AGPAT3: variants seen among roughly 807,000 people sequenced by gnomAD.
AGPAT3 encodes 1-acyl-sn-glycerol-3-phosphate acyltransferase gamma.
A neutral mutation model predicts 47.3 loss-of-function variants in AGPAT3; 5 were observed. That is an observed-to-expected ratio of 0.11 (90% CI 0.06 to 0.22). AGPAT3 has a LOEUF of 0.22. AGPAT3 is among the 10% of genes least tolerant of loss of function. The pLI is 1.00. For missense variants in AGPAT3, 315 were observed against 493.0 expected, an observed-to-expected ratio of 0.64 and a Z score of 3.42; for synonymous variants, 212 against 208.3, an observed-to-expected ratio of 1.02 and a Z score of -0.15.
chr21:43,901,656 C>T lies in AGPAT3; in HGVS notation c.-111-2301C>T, dbSNP rs141558533. Reference sequence around the variant, plus strand: ...GGGCGTGGTGGTGCACACCTGTGGTCTCAGCTACTTAGGAGGCTGAGGTAG... The same window carrying T: ...GGGCGTGGTGGTGCACACCTGTGGTTTCAGCTACTTAGGAGGCTGAGGTAG... On this transcript the variant is annotated intron_variant, in intron 1 of 9. Transcript: ENST00000291572. Among the ~76,000 whole-genome samples the T allele has an allele frequency of 1.6e-4, 24 of 151,880 alleles. 2 individuals carry two copies. The East Asian group carries it at 4.1e-3, about 26-fold the overall frequency.
chr21:43,906,362 A>ATT (rs2086494456), intron 2 of AGPAT3, among the ~76,000 whole-genome samples: 1 of 152,120 alleles, frequency 6.6e-6, no homozygotes, highest in Non-Finnish European at 1.5e-5. Context: ...TAATATCGAA[A>ATT]TCTATAGCAA....
intron 7 of AGPAT3, among the ~76,000 whole-genome samples, chr21:43,975,020 T>C (rs530170096): frequency 2.6e-5 from 4 of 152,148 alleles, no homozygotes; most frequent in Non-Finnish European, 4.4e-5. Context: ...TGTGCTGTTG[T>C]GTACTGGCGT....
chr21:43,944,385 G>A (rs1160025646), intron 2 of AGPAT3, among the ~76,000 whole-genome samples: 1 of 152,252 alleles, frequency 6.6e-6, no homozygotes, highest in African/African-American at 2.4e-5. Flanking sequence ...AGAGAGGGAA[G>A]GTAACAGCGT....
chr21:43,889,089 A>G (rs1421311257), intron 1 of AGPAT3, among the ~76,000 whole-genome samples: 1 of 152,144 alleles, frequency 6.6e-6, no homozygotes, highest in Non-Finnish European at 1.5e-5. Flanking sequence ...TTTGAAGTGC[A>G]CAGTCATGTC....
chr21:43,882,604 G>T (rs2085877934), intron 1 of AGPAT3: 1 of 152,258 alleles, frequency 6.6e-6, no homozygotes, highest in Admixed American at 6.5e-5. Context: ...GAGCCCGGAG[G>T]GCAGGTGTCT....
chr21:43,917,631 G>A lies in AGPAT3; in HGVS notation c.-49+13612G>A, dbSNP rs576746988. On this transcript the variant is annotated intron_variant, in intron 2 of 9. Coordinates refer to ENST00000291572, the MANE Select transcript of AGPAT3 (RefSeq NM_020132.5). ...AAGTGAGGGTACCACTTTGCTTTTG[G>A]AGCAGAAAGTGGGAACTTTTAAAGG... Among the ~76,000 whole-genome samples the A allele has an allele frequency of 1.1e-3, 171 of 152,220 alleles. 1 individual carries two copies. The highest frequency in any genetic ancestry group is 6.8e-3 in the Middle Eastern group (2 of 294).
At chr21:43,921,199 T>A (rs954253510) in intron 2 of AGPAT3, among the ~76,000 whole-genome samples, 6 of 151,494 alleles carry the variant, frequency 4.0e-5, no homozygotes, top group Non-Finnish European at 7.4e-5. Context: ...TGAGGGGGAG[T>A]CATTGGAAAG....
intron 1 of AGPAT3, among the ~76,000 whole-genome samples, chr21:43,898,885 GT>G (rs35571689): frequency 1.7e-4 from 26 of 149,328 alleles, no homozygotes; most frequent in East Asian, 7.8e-4. Context: ...GATTATTACT[GT>G]TTTTTTTTTT....
intron 3 of AGPAT3, chr21:43,965,907 C>G (rs1385899558): frequency 6.6e-6 from 1 of 152,198 alleles, no homozygotes; most frequent in African/African-American, 2.4e-5. Flanking sequence ...GCCACCGCAC[C>G]CGTCCAGAAT....
intron 1 of AGPAT3, among the ~76,000 whole-genome samples, chr21:43,889,899 A>G (rs369693029): frequency 6.4e-4 from 98 of 152,346 alleles, no homozygotes; most frequent in African/African-American, 2.3e-3. Flanking sequence ...GTGGTTGCTG[A>G]AATGGGGTGG....
rs1162378037 is a variant in AGPAT3, at chr21:43,922,904, G to T, written c.-49+18885G>T. 2.0e-5 allele frequency among the ~76,000 whole-genome samples: 3 copies of T among 152,222 alleles called. No homozygotes were observed. The highest frequency in any genetic ancestry group is 7.2e-5 in the African/African-American group (3 of 41,462). On this transcript the variant is annotated intron_variant, in intron 2 of 9. Coordinates refer to ENST00000291572, the MANE Select transcript of AGPAT3 (RefSeq NM_020132.5). This position sits in a 1 kb window ranked among gnomAD's most constrained non-coding sequence, Gnocchi z 4.9. Reference sequence around the variant, plus strand: ...GTGGCAGAGCCAGCCTGGGGTCTGGGCATGGGGCGCCTGTCCCCAGCGGGG... The same window carrying T: ...GTGGCAGAGCCAGCCTGGGGTCTGGTCATGGGGCGCCTGTCCCCAGCGGGG...
At chr21:43,915,434 G>A (rs1601293960) in intron 2 of AGPAT3, among the ~76,000 whole-genome samples, 1 of 37,976 alleles carries the variant, frequency 2.6e-5, no homozygotes, top group African/African-American at 1.3e-4. Flanking sequence ...TTTTTTTTGC[G>A]ACAGTCTGGT....
chr21:43,971,569 C>A, intron 7 of AGPAT3, 79 bp downstream of exon 7: 1 of 1,402,818 alleles, frequency 7.1e-7, no homozygotes, highest in Non-Finnish European at 1.0e-6. Context: ...AGGAGGGTGG[C>A]TGGGTCCAGG....
At chr21:43,975,424 G>A (rs372519631) in intron 7 of AGPAT3, among the ~76,000 whole-genome samples, 15 of 152,284 alleles carry the variant, frequency 9.9e-5, no homozygotes, top group African/African-American at 1.7e-4. Context: ...GGTGTATGAC[G>A]CATGCTGGCG....
intron 1 of AGPAT3, among the ~76,000 whole-genome samples, chr21:43,888,064 A>G (rs1047283832): frequency 6.6e-6 from 1 of 152,254 alleles, no homozygotes. Context: ...TTTTTGAGAC[A>G]GAGTCTCACT....
In AGPAT3 at chr21:43,982,840, C is replaced by G. The variant is rs948298310; in HGVS notation, c.*448C>G. The stretch of plus-strand genomic sequence containing the variant: ...TGCTGTCCTCCTGGGAGTGGACGGC[C>G]GGGTCCCGTCCCCCGGGAGCATCGC... On this transcript the variant is annotated 3_prime_UTR_variant, in exon 10 of 10. Coordinates refer to ENST00000291572, the MANE Select transcript of AGPAT3 (RefSeq NM_020132.5). The surrounding 1 kb of genome is among the most constrained non-coding windows in gnomAD (Gnocchi z 6.2). 6.1e-6 allele frequency: 1 copy of G among 163,068 alleles called. No homozygotes were observed. The highest frequency in any genetic ancestry group is 1.3e-5 in the Non-Finnish European group (1 of 75,810). 10.1% of individuals were successfully genotyped at this position (163,068 alleles called of 1,614,324 possible).
At chr21:43,866,693 A>G (rs906794285) in intron 1 of AGPAT3, 2 of 152,240 alleles carry the variant, frequency 1.3e-5, no homozygotes, top group Non-Finnish European at 2.9e-5. Flanking sequence ...TCTTGAGGAC[A>G]TTGTCTAAAA....
intron 8 of AGPAT3, among the ~76,000 whole-genome samples, chr21:43,979,097 A>G (rs971084072): frequency 1.2e-4 from 18 of 152,120 alleles, no homozygotes; most frequent in African/African-American, 4.3e-4. Context: ...CAGGAGTTCA[A>G]GACCAGCCTG....
chr21:43,876,905 C>T (rs1474046154), intron 1 of AGPAT3, among the ~76,000 whole-genome samples: 1 of 152,098 alleles, frequency 6.6e-6, no homozygotes, highest in Non-Finnish European at 1.5e-5. Context: ...GTTGCCCAAG[C>T]TGGAGTGCAG....
Sources: allele counts gnomAD v4.1 joint callset (sites outside exome capture counted in the v4.1 genomes callset), GRCh38; gene constraint gnomAD v4.1.1; non-coding constraint Gnocchi (gnomAD v3.1); transcripts MANE v1.5; gene names NCBI Gene and HGNC (gene_info 2026-07-23, HGNC 2026-07-21).